SCIN: variants seen among roughly 807,000 people sequenced by gnomAD.
SCIN encodes scinderin.
SCIN carries 91 observed loss-of-function variants against 91.8 expected under a neutral mutation model. The ratio of observed to expected loss-of-function variants is 0.99; its 90% CI spans 0.84 to 1.18. The LOEUF (loss-of-function observed/expected upper bound fraction) is 1.18. Ranked by LOEUF, SCIN falls within the 50% of genes most tolerant of loss-of-function variation. The pLI is 0.00. For synonymous variants in SCIN, 367 were observed against 312.6 expected, an observed-to-expected ratio of 1.17 and a Z score of -1.84; for missense variants, 1,087 against 863.9, an observed-to-expected ratio of 1.26 and a Z score of -3.24.
At position 12,578,044 on chromosome 7, in the gene SCIN, G is replaced by A. The variant is rs1036340897; in HGVS notation, c.200-20G>A. The A allele has an allele frequency of 4.6e-6, 7 of 1,519,404 alleles. No homozygotes were observed. The highest frequency in any genetic ancestry group is 1.8e-6 in the Non-Finnish European group (2 of 1,132,618). The allele number at this position is 1,519,404 out of a possible 1,614,324, so 94.1% of individuals were successfully genotyped here. On this transcript the variant is annotated intron_variant, in intron 1 of 15. Coordinates refer to ENST00000297029, the MANE Select transcript of SCIN (RefSeq NM_001112706.3). ...CTTTCTCTTGCTTGATAATTGAGGT[G>A]CTGTTGTTCACTGTTTTAGGAAAGG... is the stretch of plus-strand genomic sequence containing the variant.
Position 12,651,897 on chromosome 7 carries a change from G to A in SCIN, c.2016G>A (p.Lys672=), listed in dbSNP as rs773159436. ...ANEVEKKESL[K]SAKMYLETDP... The stretch of plus-strand genomic sequence containing the variant: ...AAGTTGAGAAAAAAGAATCTCTGAA[G>A]TCTGGTAAGCTCAATCGATGGACCA... The change falls in exon 15 of 16, where the codon AAG becomes AAA. Residue 672 remains lysine, a synonymous_variant. Coordinates refer to ENST00000297029, the MANE Select transcript of SCIN (RefSeq NM_001112706.3). This position sits in a 1 kb window ranked among gnomAD's most constrained non-coding sequence, Gnocchi z 5.9. 3 of 1,602,240 alleles carry A rather than the reference G, an allele frequency of 1.9e-6. No individual in the cohort carries two copies. In the African/African-American group the frequency reaches 4.0e-5, roughly 21 times the overall value.
chr7:12,649,201 G>A (rs1001432760), intron 13 of SCIN, among the ~76,000 whole-genome samples: 4 of 152,056 alleles, frequency 2.6e-5, no homozygotes, highest in Non-Finnish European at 4.4e-5. Context: ...ATAATTTAAG[G>A]TTCCACCAGC....
chr7:12,657,041 CTG>C lies in SCIN; in HGVS notation c.*4327_*4328del, dbSNP rs1166326481. On this transcript the variant is annotated 3_prime_UTR_variant, in exon 16 of 16. Transcript: ENST00000297029. The stretch of plus-strand genomic sequence containing the variant: ...AAATACAGGAGAGGATATAGTGAAA[CTG>C]GAGCTTACATCCACTACTTGGGAAG... 6.6e-6 allele frequency: 1 copy of C among 151,612 alleles called. No homozygotes were observed. Among genetic ancestry groups the C allele is most frequent in the African/African-American group, 2.4e-5 (1 of 41,262 alleles). 9.4% of individuals were successfully genotyped at this position (151,612 alleles called of 1,614,324 possible).
At chr7:12,646,115 A>G (rs1160979724) in intron 13 of SCIN, among the ~76,000 whole-genome samples, 1 of 152,262 alleles carries the variant, frequency 6.6e-6, no homozygotes, top group Non-Finnish European at 1.5e-5. Context: ...TGATATCAAC[A>G]GGAATGTTTT....
intron 3 of SCIN, among the ~76,000 whole-genome samples, chr7:12,593,626 G>T (rs1001062899): frequency 6.6e-6 from 1 of 152,166 alleles, no homozygotes; most frequent in South Asian, 2.1e-4. Flanking sequence ...GAAAGAGATT[G>T]GGCAGGATTT....
rs868373149 is a variant in SCIN, at chr7:12,581,072, G to T, written c.367G>T (p.Ala123Ser). The T allele has an allele frequency of 1.4e-5, 21 of 1,550,880 alleles. No homozygotes were observed. In the African/African-American group the frequency reaches 1.8e-4, roughly 13 times the overall value. ...GGLKYKAGGV[A>S]SGLNHVLTND... ...CCTCATTCATCAGGCTGGAGGCGTG[G>T]CATCTGGATTAAATCATGTTCTTAC... Residue 123 changes from alanine (A) to serine (S), a missense_variant, in exon 3 of 16, where the codon GCA becomes TCA. Ala to Ser is a moderately conservative substitution (Grantham distance 99). Transcript: ENST00000297029.
intron 10 of SCIN, among the ~76,000 whole-genome samples, chr7:12,637,677 G>A (rs1314885910): frequency 1.3e-5 from 2 of 151,938 alleles, no homozygotes; most frequent in South Asian, 2.1e-4. Flanking sequence ...AGTGTGAGAG[G>A]GAGGAGAGAT....
intron 13 of SCIN, among the ~76,000 whole-genome samples, chr7:12,647,548 A>G (rs1417082913): frequency 6.6e-6 from 1 of 152,212 alleles, no homozygotes; most frequent in East Asian, 1.9e-4. Context: ...CAACTCTAAA[A>G]TGGTGGTAAT....
intron 9 of SCIN, among the ~76,000 whole-genome samples, chr7:12,631,517 C>T (rs560104105): frequency 6.6e-6 from 1 of 152,226 alleles, no homozygotes; most frequent in South Asian, 2.1e-4. Flanking sequence ...GAGGTGATAG[C>T]TCTCATGAAT....
rs1346582784 is a variant in SCIN, at chr7:12,655,190, T to C, written c.*2475T>C. 1 of 152,240 alleles carries C rather than the reference T, an allele frequency of 6.6e-6. No homozygotes were observed. Among genetic ancestry groups the C allele is most frequent in the Non-Finnish European group, 1.5e-5 (1 of 68,038 alleles). The allele number at this position is 152,240 out of a possible 1,614,324, so 9.4% of individuals were successfully genotyped here. A position where few individuals can be genotyped will look rare whatever the true frequency, so the allele number is the denominator to read the frequency against. ...GTAAACGCTGTGTAAACAGTTGTTA[T>C]ACTATATTGGTTTTTTAATTTGCAT... is the stretch of plus-strand genomic sequence containing the variant. On this transcript the variant is annotated 3_prime_UTR_variant, in exon 16 of 16. Transcript: ENST00000297029.
At chr7:12,576,208 C>A (rs1269692533) in intron 1 of SCIN, among the ~76,000 whole-genome samples, 2 of 152,118 alleles carry the variant, frequency 1.3e-5, no homozygotes, top group East Asian at 3.8e-4. Flanking sequence ...TTATGGTATT[C>A]TCAGTTAGGG....
chr7:12,595,067 C>G (rs892115533), intron 3 of SCIN, among the ~76,000 whole-genome samples: 5 of 151,962 alleles, frequency 3.3e-5, no homozygotes, highest in African/African-American at 1.2e-4. Context: ...TCTAAGGACG[C>G]CCAGCCAGAG....
Position 12,651,536 on chromosome 7 carries a change from A to G in SCIN, c.1960-305A>G, listed in dbSNP as rs772944124. On this transcript the variant is annotated intron_variant, in intron 14 of 15. Transcript: ENST00000297029. The surrounding 1 kb of genome is among the most constrained non-coding windows in gnomAD (Gnocchi z 5.9). ...GGGGGTGGATGAAAAAAAAAAGTCC[A>G]CCCAGACAATCTGTTTTTTTTTGTG... Among the ~76,000 whole-genome samples the G allele has an allele frequency of 6.7e-6, 1 of 149,990 alleles. No individual in the cohort carries two copies. Among genetic ancestry groups the G allele is most frequent in the Middle Eastern group, 3.5e-3 (1 of 284 alleles).
intron 3 of SCIN, among the ~76,000 whole-genome samples, chr7:12,585,472 A>C (rs1782568690): frequency 6.6e-6 from 1 of 152,154 alleles, no homozygotes; most frequent in African/African-American, 2.4e-5. Flanking sequence ...ACTACCCATG[A>C]GTCAATCTAA....
In SCIN at chr7:12,636,130, G is replaced by C. The variant is rs574377695; in HGVS notation, c.1405G>C (p.Val469Leu). ...QLDRSLGGQA[V>L]QIRVSQGKEP... The stretch of plus-strand genomic sequence containing the variant: ...GGATCGGTCCCTTGGAGGACAGGCT[G>C]TGCAGGTTGGGATATTTTTACCCCC... The change falls in exon 10 of 16, where the codon GTG becomes CTG. Residue 469 changes from valine to leucine, a missense_variant. Val to Leu is a conservative substitution (Grantham distance 32, BLOSUM62 1). Coordinates refer to ENST00000297029, the MANE Select transcript of SCIN (RefSeq NM_001112706.3). 4.3e-6 allele frequency: 7 copies of C among 1,611,212 alleles called. No individual in the cohort carries two copies. The East Asian group carries it at 1.1e-4, about 26-fold the overall frequency.
intron 10 of SCIN, among the ~76,000 whole-genome samples, chr7:12,637,555 G>A (rs1396055147): frequency 1.3e-5 from 2 of 151,716 alleles, no homozygotes; most frequent in Middle Eastern, 3.2e-3. Flanking sequence ...CATGGAGGAA[G>A]AAATGAGACA....
chr7:12,587,039 TAAC>T (rs1487850599), intron 3 of SCIN, among the ~76,000 whole-genome samples: 2 of 152,180 alleles, frequency 1.3e-5, no homozygotes, highest in African/African-American at 4.8e-5. Flanking sequence ...TGAATACAGT[TAAC>T]AATAATTTAT....
chr7:12,599,181 C>A (rs971030986), intron 3 of SCIN, among the ~76,000 whole-genome samples: 3 of 152,124 alleles, frequency 2.0e-5, no homozygotes, highest in Admixed American at 2.0e-4. Flanking sequence ...GTAATTTAGT[C>A]ACCTTTGAGG....
chr7:12,639,374 A>T (rs1266139506), intron 10 of SCIN, among the ~76,000 whole-genome samples: 1 of 152,234 alleles, frequency 6.6e-6, no homozygotes, highest in African/African-American at 2.4e-5. Flanking sequence ...ATTATTTTCA[A>T]TGCCTTTCGG....
Sources: gnomAD v4.1 joint callset for allele counts (sites outside exome capture counted in the v4.1 genomes callset) on GRCh38, gnomAD v4.1.1 for gene constraint, Gnocchi (gnomAD v3.1) non-coding constraint, MANE v1.5 for transcripts, NCBI Gene and HGNC (gene_info 2026-07-23, HGNC 2026-07-21) for gene names.